Variants in CDH12 observed in about 807,000 individuals in gnomAD.
CDH12 encodes cadherin 12, also known as cadherin-12.
A neutral mutation model predicts 74.1 loss-of-function variants in CDH12; 41 were observed. That is an observed-to-expected ratio of 0.55 (90% CI 0.43 to 0.72). CDH12 has a LOEUF of 0.72. Among genes scored for constraint, CDH12 ranks in the 30% least tolerant of loss-of-function variants. The pLI is 0.00. For synonymous variants in CDH12, 399 were observed against 355.0 expected (o/e 1.12, Z -1.39); for missense variants, 945 against 977.2 (o/e 0.97, Z 0.44).
chr5:21,776,731 A>T (rs953104370), intron 11 of CDH12, among the ~76,000 whole-genome samples: 1 of 152,164 alleles, frequency 6.6e-6, no homozygotes. Flanking sequence ...AGAAAGTCTT[A>T]TTCCTTCCCA....
intron 1 of CDH12, among the ~76,000 whole-genome samples, chr5:22,602,742 T>C (rs1227322553): frequency 6.6e-6 from 1 of 152,154 alleles, no homozygotes. Context: ...GCTAACACCA[T>C]GTTTCACTTA....
chr5:21,981,461 T>C (rs2150127528), intron 5 of CDH12, among the ~76,000 whole-genome samples: 1 of 152,188 alleles, frequency 6.6e-6, no homozygotes, highest in South Asian at 2.1e-4. Flanking sequence ...TAAAAGTAGG[T>C]TGTAGATACA....
At chr5:22,512,941 TAACCCAGGAGGGTTG>T (rs1736672466) in intron 1 of CDH12, among the ~76,000 whole-genome samples, 1 of 152,038 alleles carries the variant, frequency 6.6e-6, no homozygotes, top group South Asian at 2.1e-4. Context: ...CAGGTGCCGG[TAACCCAGGAGGGTTG>T]AACCCAGGAG....
intron 6 of CDH12, among the ~76,000 whole-genome samples, chr5:21,937,768 A>C (rs1401400535): frequency 2.6e-5 from 4 of 152,128 alleles, no homozygotes; most frequent in Non-Finnish European, 2.9e-5. Context: ...AGTTTCAGTA[A>C]GGGCTGCAGG....
chr5:21,841,160 A>T (rs1749824180), intron 8 of CDH12, among the ~76,000 whole-genome samples: 1 of 152,166 alleles, frequency 6.6e-6, no homozygotes. Context: ...CAAATTTACA[A>T]GAAAAAAACA....
At chr5:22,534,867 T>C (rs1347188262) in intron 1 of CDH12, among the ~76,000 whole-genome samples, 2 of 151,162 alleles carry the variant, frequency 1.3e-5, no homozygotes, top group Admixed American at 6.6e-5. Context: ...CATAACATAG[T>C]AAACTCTTTT....
intron 3 of CDH12, among the ~76,000 whole-genome samples, chr5:22,339,638 C>A (rs1213037387): frequency 2.0e-5 from 3 of 152,214 alleles, no homozygotes; most frequent in Non-Finnish European, 4.4e-5. Flanking sequence ...ATAAATGTAA[C>A]TACAAAAGGG....
At chr5:21,865,394 G>C (rs1751274272) in intron 6 of CDH12, among the ~76,000 whole-genome samples, 1 of 152,130 alleles carries the variant, frequency 6.6e-6, no homozygotes, top group Non-Finnish European at 1.5e-5. Context: ...GGAAAGAAGG[G>C]GGGCAGGTGC....
At position 21,793,085 on chromosome 5, in the gene CDH12, C is replaced by T. The variant is rs192420897; in HGVS notation, c.1256+9082G>A. 5.8e-3 allele frequency among the ~76,000 whole-genome samples: 880 copies of T among 151,668 alleles called. 5 individuals carry two copies. Among genetic ancestry groups the T allele is most frequent in the Non-Finnish European group, 9.6e-3 (647 of 67,672 alleles). On this transcript the variant is annotated intron_variant, in intron 10 of 14. Coordinates refer to ENST00000382254, the MANE Select transcript of CDH12 (RefSeq NM_004061.5). ...CAGATCATTTCAATTTTTTTTCCTC[C>T]CATTCATGTCACAGAACTTTCCTAA...
chr5:21,786,749 C>T (rs1746220154), intron 10 of CDH12, among the ~76,000 whole-genome samples: 1 of 152,144 alleles, frequency 6.6e-6, no homozygotes, highest in Non-Finnish European at 1.5e-5. Context: ...AAATTGAAAA[C>T]CTTATGGAAA....
chr5:22,474,982 T>G (rs1746109369), intron 2 of CDH12, among the ~76,000 whole-genome samples: 1 of 151,650 alleles, frequency 6.6e-6, no homozygotes, highest in Non-Finnish European at 1.5e-5. Context: ...CCAGGTTAGA[T>G]AGATGAGGTC....
At chr5:22,406,284 ATAGT>A (rs1344574807) in intron 2 of CDH12, among the ~76,000 whole-genome samples, 11 of 152,276 alleles carry the variant, frequency 7.2e-5, no homozygotes, top group Admixed American at 3.3e-4. Flanking sequence ...GACTCAATTA[ATAGT>A]TAGCTGAACT....
intron 1 of CDH12, among the ~76,000 whole-genome samples, chr5:22,666,407 A>G (rs1224303342): frequency 6.7e-6 from 1 of 148,908 alleles, no homozygotes; most frequent in Non-Finnish European, 1.5e-5. Flanking sequence ...CTCCTGCCTC[A>G]GCCTCCCGAG....
intron 1 of CDH12, among the ~76,000 whole-genome samples, chr5:22,691,299 T>A (rs1742071366): frequency 6.6e-6 from 1 of 152,284 alleles, no homozygotes; most frequent in South Asian, 2.1e-4. Context: ...ATGAGCTAGA[T>A]GATATTACTA....
intron 3 of CDH12, among the ~76,000 whole-genome samples, chr5:22,355,523 A>ATAT (rs1554034342): frequency 3.6e-3 from 303 of 84,010 alleles, no homozygotes; most frequent in African/African-American, 7.8e-3. Flanking sequence ...TTAAAAAAAA[A>ATAT]ATATATATAT....
intron 1 of CDH12, among the ~76,000 whole-genome samples, chr5:22,829,510 T>C (rs1736484903): frequency 1.3e-5 from 2 of 152,176 alleles, no homozygotes; most frequent in African/African-American, 4.8e-5. Flanking sequence ...ATCGCAGTCT[T>C]GTCTTGGTCT....
At chr5:22,150,311 G>T (rs1007147150) in intron 4 of CDH12, among the ~76,000 whole-genome samples, 2 of 151,806 alleles carry the variant, frequency 1.3e-5, no homozygotes, top group African/African-American at 4.8e-5. Flanking sequence ...TGTCTAATTT[G>T]TTTCACTATT....
At chr5:22,286,254 C>A (rs1467689187) in intron 3 of CDH12, among the ~76,000 whole-genome samples, 4 of 152,074 alleles carry the variant, frequency 2.6e-5, no homozygotes, top group Admixed American at 2.6e-4. Context: ...TCACACAAAG[C>A]ATAAAGAGAA....
intron 4 of CDH12, among the ~76,000 whole-genome samples, chr5:22,097,490 G>A (rs1284620067): frequency 2.6e-5 from 4 of 152,184 alleles, no homozygotes; most frequent in South Asian, 2.1e-4. Context: ...AGGTATTGAC[G>A]GCCAGGCTTC....
Sources: allele counts gnomAD v4.1 joint callset (sites outside exome capture counted in the v4.1 genomes callset), GRCh38; gene constraint gnomAD v4.1.1; transcripts MANE v1.5; gene names NCBI Gene and HGNC (gene_info 2026-07-23, HGNC 2026-07-21).